EXT1: variants seen among roughly 807,000 people sequenced by gnomAD.
EXT1 encodes exostosin-1.
In EXT1, 20 loss-of-function variants were observed where a neutral mutation model predicts 82.5. That is an observed-to-expected ratio of 0.24 (90% CI 0.17 to 0.35). The LOEUF (loss-of-function observed/expected upper bound fraction) is 0.35. Among genes scored for constraint, EXT1 ranks in the 10% least tolerant of loss-of-function variants. The pLI, the probability that EXT1 is intolerant of heterozygous loss-of-function variation, is 1.00. For missense variants in EXT1, 757 were observed against 936.5 expected, an observed-to-expected ratio of 0.81 and a Z score of 2.50; for synonymous variants, 348 against 350.8, an observed-to-expected ratio of 0.99 and a Z score of 0.09.
At chr8:117,964,570 T>G (rs542448248) in intron 1 of EXT1, among the ~76,000 whole-genome samples, 1 of 152,222 alleles carries the variant, frequency 6.6e-6, no homozygotes, top group Non-Finnish European at 1.5e-5. Context: ...TTGGGAGGAA[T>G]GTGAATTTCA....
intron 1 of EXT1, among the ~76,000 whole-genome samples, chr8:117,848,461 AG>A (rs1414284509): frequency 6.6e-6 from 1 of 152,180 alleles, no homozygotes; most frequent in Non-Finnish European, 1.5e-5. Flanking sequence ...AGAGCCAGCT[AG>A]CTCCCTGGCA....
chr8:117,913,330 G>T (rs1333093504), intron 1 of EXT1, among the ~76,000 whole-genome samples: 1 of 152,098 alleles, frequency 6.6e-6, no homozygotes, highest in Non-Finnish European at 1.5e-5. Context: ...CACAGAAAAT[G>T]CCTCAGTAAC....
intron 1 of EXT1, among the ~76,000 whole-genome samples, chr8:117,966,645 C>T (rs933102895): frequency 6.6e-6 from 1 of 152,196 alleles, no homozygotes; most frequent in Non-Finnish European, 1.5e-5. Flanking sequence ...TTCTGTTCTG[C>T]ATTTCATTAA....
chr8:118,064,151 AC>A (rs1816934233), intron 1 of EXT1, among the ~76,000 whole-genome samples: 1 of 152,142 alleles, frequency 6.6e-6, no homozygotes, highest in South Asian at 2.1e-4. Context: ...GGCGTGAGCC[AC>A]CGCGTCAAGT....
intron 1 of EXT1, among the ~76,000 whole-genome samples, chr8:118,001,624 A>T (rs1489038172): frequency 2.0e-5 from 3 of 152,200 alleles, no homozygotes; most frequent in Non-Finnish European, 4.4e-5. Flanking sequence ...GATACATTTT[A>T]AAATAATTTT....
chr8:118,041,168 C>T (rs952670731), intron 1 of EXT1, among the ~76,000 whole-genome samples: 2 of 152,130 alleles, frequency 1.3e-5, no homozygotes, highest in South Asian at 4.1e-4. Flanking sequence ...AAGGAGTCCT[C>T]AAGTCTGAAA....
At chr8:117,970,857 A>C (rs538215131) in intron 1 of EXT1, among the ~76,000 whole-genome samples, 112 of 152,268 alleles carry the variant, frequency 7.4e-4, no homozygotes, top group African/African-American at 2.5e-3. Context: ...ACTTTCTGCC[A>C]CTCACAAGCG....
intron 1 of EXT1, among the ~76,000 whole-genome samples, chr8:117,986,889 T>C (rs1815332754): frequency 1.3e-5 from 2 of 152,196 alleles, no homozygotes; most frequent in South Asian, 4.1e-4. Flanking sequence ...TAATTAACAA[T>C]TAGGCTTTGC....
intron 1 of EXT1, among the ~76,000 whole-genome samples, chr8:118,052,250 T>C (rs1057051195): frequency 6.6e-6 from 1 of 152,220 alleles, no homozygotes; most frequent in African/African-American, 2.4e-5. Flanking sequence ...CAACTTGAAA[T>C]GTTTAGGAAA....
At chr8:117,912,869 A>C (rs1440688234) in intron 1 of EXT1, among the ~76,000 whole-genome samples, 3 of 152,208 alleles carry the variant, frequency 2.0e-5, no homozygotes, top group African/African-American at 4.8e-5. Context: ...TTGGTGCATA[A>C]GAACTAAATA....
chr8:118,038,601 A>G (rs74703390), intron 1 of EXT1, among the ~76,000 whole-genome samples: 2,991 of 152,286 alleles, frequency 0.02, 68 homozygotes, highest in Admixed American at 0.064. Flanking sequence ...CCTGACTCTA[A>G]TAACAGCACT....
At chr8:118,010,583 A>G (rs766300672) in intron 1 of EXT1, among the ~76,000 whole-genome samples, 4 of 152,062 alleles carry the variant, frequency 2.6e-5, no homozygotes, top group Admixed American at 6.5e-5. Context: ...AATCCATCTC[A>G]GCTAATTAAA....
At chr8:117,932,326 C>G (rs1814075178) in intron 1 of EXT1, among the ~76,000 whole-genome samples, 1 of 152,104 alleles carries the variant, frequency 6.6e-6, no homozygotes, top group Non-Finnish European at 1.5e-5. Context: ...TCCCTTCATA[C>G]TGATTTTACA....
At chr8:117,937,605 T>C (rs1429293129) in intron 1 of EXT1, among the ~76,000 whole-genome samples, 1 of 152,260 alleles carries the variant, frequency 6.6e-6, no homozygotes, top group Non-Finnish European at 1.5e-5. Context: ...CAAGCTCTTG[T>C]CAAACGGTTT....
Position 118,104,475 on chromosome 8 carries a change from C to T in EXT1, c.962+5610G>A, listed in dbSNP as rs193212152. Among the ~76,000 whole-genome samples, 303 of 152,214 alleles carry T rather than the reference C, an allele frequency of 2.0e-3. 3 individuals carry two copies. Among genetic ancestry groups the T allele is most frequent in the Non-Finnish European group, 7.5e-4 (51 of 68,006 alleles). On this transcript the variant is annotated intron_variant, in intron 1 of 10. Coordinates refer to ENST00000378204, the MANE Select transcript of EXT1 (RefSeq NM_000127.3). ...CATTATGACCTCGAGAGAAAAAAAA[C>T]GCACTATTTTCTTCTTCCAGAGTAT... is the stretch of plus-strand genomic sequence containing the variant.
Position 118,093,649 on chromosome 8 carries a change from C to T in EXT1, c.962+16436G>A, listed in dbSNP as rs17454211. Among the ~76,000 whole-genome samples the T allele has an allele frequency of 3.7e-3, 559 of 152,260 alleles. 2 individuals carry two copies. The highest frequency in any genetic ancestry group is 4.2e-3 in the Non-Finnish European group (285 of 68,010). On this transcript the variant is annotated intron_variant, in intron 1 of 10. Coordinates refer to ENST00000378204, the MANE Select transcript of EXT1 (RefSeq NM_000127.3). ...TCACATCTGGATTTGGTGGCCAACA[C>T]GGTATCACAGAAAGGCTCTTACAAT...
chr8:117,999,030 T>C (rs1336773626), intron 1 of EXT1, among the ~76,000 whole-genome samples: 2 of 152,220 alleles, frequency 1.3e-5, no homozygotes. Context: ...ACTTTCCTTC[T>C]TCCTTTCAGA....
chr8:117,917,072 T>C (rs1003985504), intron 1 of EXT1, among the ~76,000 whole-genome samples: 1 of 152,160 alleles, frequency 6.6e-6, no homozygotes, highest in Non-Finnish European at 1.5e-5. Flanking sequence ...TCAGTAATAA[T>C]ACTGATAGAA....
intron 1 of EXT1, among the ~76,000 whole-genome samples, chr8:117,902,165 C>T (rs1400952536): frequency 6.6e-6 from 1 of 152,026 alleles, no homozygotes; most frequent in Non-Finnish European, 1.5e-5. Context: ...GGGACAATAA[C>T]ACGCATGGAG....
Sources: allele counts gnomAD v4.1 joint callset (sites outside exome capture counted in the v4.1 genomes callset), GRCh38; gene constraint gnomAD v4.1.1; transcripts MANE v1.5; gene names NCBI Gene and HGNC (gene_info 2026-07-23, HGNC 2026-07-21).